Variants in RAB40C observed in about 807,000 individuals in gnomAD.
The protein encoded by RAB40C is RAB40C, member RAS oncogene family.
A neutral mutation model predicts 28.1 loss-of-function variants in RAB40C; 8 were observed. The ratio of observed to expected loss-of-function variants is 0.28; its 90% CI spans 0.17 to 0.51. The LOEUF is 0.51. RAB40C is among the 20% of genes least tolerant of loss of function. The pLI is 0.97. For missense variants in RAB40C, 288 were observed against 405.9 expected (o/e 0.71, Z 2.50); for synonymous variants, 201 against 171.7 (o/e 1.17, Z -1.34).
At chr16:604,422 C>T (rs1315230087) in intron 1 of RAB40C, among the ~76,000 whole-genome samples, 3 of 151,444 alleles carry the variant, frequency 2.0e-5, no homozygotes, top group Non-Finnish European at 2.9e-5. Context: ...TACACGAGTC[C>T]TTCTGAAGGT....
At chr16:606,109 C>G (rs1281151987) in intron 1 of RAB40C, among the ~76,000 whole-genome samples, 5 of 152,158 alleles carry the variant, frequency 3.3e-5, no homozygotes, top group Admixed American at 3.3e-4. Context: ...GACACATAGT[C>G]CTCTCGGTCC....
intron 3 of RAB40C, chr16:624,024 T>C (rs763012): frequency 0.22 from 218,694 of 985,028 alleles, 25,700 homozygotes; most frequent in East Asian, 0.61. Context: ...GCATGCACGC[T>C]TTTACATGCA....
At chr16:590,474 G>C (rs1016472927) in intron 1 of RAB40C, 41 bp downstream of exon 1, 3 of 1,493,474 alleles carry the variant, frequency 2.0e-6, no homozygotes, top group Non-Finnish European at 2.7e-6. Flanking sequence ...CGCGGGGCCC[G>C]AGCCCGGCGA....
At chr16:625,771 C>A in intron 4 of RAB40C, 128 bp from the exon 5 acceptor site, 1 of 1,013,320 alleles carries the variant, frequency 9.9e-7, no homozygotes. Flanking sequence ...CCCACCTTGA[C>A]CTCCGCCCAC....
At position 628,291 on chromosome 16, in the gene RAB40C, TC is replaced by T. The variant is rs1364446301; in HGVS notation, c.*672del. On this transcript the variant is annotated 3_prime_UTR_variant, in exon 6 of 6. Coordinates refer to ENST00000248139, the MANE Select transcript of RAB40C (RefSeq NM_021168.5). ...GCCCACATTTTTGTTGCTCCCCAAATCCCTCCCCACGTGGGGATGAGAACCT... is the reference window on the plus strand; with the variant it reads ...GCCCACATTTTTGTTGCTCCCCAAATCCTCCCCACGTGGGGATGAGAACCT... 6.6e-6 allele frequency: 1 copy of T among 152,228 alleles called. No individual in the cohort carries two copies. Among genetic ancestry groups the T allele is most frequent in the Non-Finnish European group, 1.5e-5 (1 of 68,122 alleles). 9.4% of individuals were successfully genotyped at this position (152,228 alleles called of 1,614,324 possible). A position where few individuals can be genotyped will look rare whatever the true frequency, so the allele number is the denominator to read the frequency against.
In RAB40C at chr16:620,391, C is replaced by CA. The variant is rs58701150; in HGVS notation, c.264+2140dup. ...CTGGGCGACGAGTGAAACTCCATCT[C>CA]AAAAAAAAAGGAGGAGCTGTGTGGG... On this transcript the variant is annotated intron_variant, in intron 3 of 5. Coordinates refer to ENST00000248139, the MANE Select transcript of RAB40C (RefSeq NM_021168.5). 7.4e-4 allele frequency among the ~76,000 whole-genome samples: 111 copies of CA among 150,558 alleles called. 2 individuals are homozygous for CA. The East Asian group carries it at 0.019, about 26-fold the overall frequency.
intron 1 of RAB40C, among the ~76,000 whole-genome samples, chr16:604,817 T>G (rs769510465): frequency 1.3e-5 from 2 of 152,190 alleles, no homozygotes; most frequent in Non-Finnish European, 2.9e-5. Flanking sequence ...CTCAGCACTT[T>G]GGGAGGCCGA....
At position 627,759 on chromosome 16, in the gene RAB40C, T is replaced by C; in HGVS notation, c.*137T>C. 1 of 1,120,556 alleles carries C rather than the reference T, an allele frequency of 8.9e-7. No individual in the cohort carries two copies. The highest frequency in any genetic ancestry group is 1.2e-6 in the Non-Finnish European group (1 of 822,796). 69.4% of individuals were successfully genotyped at this position (1,120,556 alleles called of 1,614,324 possible). On this transcript the variant is annotated 3_prime_UTR_variant, in exon 6 of 6. Transcript: ENST00000248139. The stretch of plus-strand genomic sequence containing the variant: ...AGAAGCGCCGGGCTTTCCTCACACC[T>C]GAGCCGGGTGCGAGGAGGAGCATGC...
At chr16:603,943 G>A (rs1017401250) in intron 1 of RAB40C, among the ~76,000 whole-genome samples, 1 of 152,124 alleles carries the variant, frequency 6.6e-6, no homozygotes, top group African/African-American at 2.4e-5. Flanking sequence ...GTATTCCTTT[G>A]CACAAATATA....
At chr16:624,118 C>T (rs2036777690) in intron 3 of RAB40C, 3 of 985,354 alleles carry the variant, frequency 3.0e-6, no homozygotes, top group South Asian at 9.4e-5. Context: ...TAATTTGTGT[C>T]TGGCTTGTCG....
At chr16:613,184 GCCGC>G in intron 1 of RAB40C, among the ~76,000 whole-genome samples, 1 of 143,114 alleles carries the variant, frequency 7.0e-6, no homozygotes. Flanking sequence ...AGCAGGGACA[GCCGC>G]CCTCACCTGT....
chr16:590,229 C>T lies in RAB40C; in HGVS notation c.-63C>T, dbSNP rs928900342. 2.4e-6 allele frequency: 3 copies of T among 1,253,598 alleles called. No individual in the cohort carries two copies. The highest frequency in any genetic ancestry group is 2.0e-6 in the Non-Finnish European group (2 of 988,396). The allele number at this position is 1,253,598 out of a possible 1,614,324, so 77.7% of individuals were successfully genotyped here. Reference sequence around the variant, plus strand: ...CAGGTGCGGGGCGCGGGCTCTCTCACGCCGCGGCCTCACCCGGCGGTGCTT... The same window carrying T: ...CAGGTGCGGGGCGCGGGCTCTCTCATGCCGCGGCCTCACCCGGCGGTGCTT... On this transcript the variant is annotated 5_prime_UTR_variant, in exon 1 of 6. It adds an upstream start codon to the 5' untranslated region. Coordinates refer to ENST00000248139, the MANE Select transcript of RAB40C (RefSeq NM_021168.5).
intron 1 of RAB40C, among the ~76,000 whole-genome samples, chr16:615,043 G>A (rs1047165521): frequency 7.2e-5 from 11 of 152,238 alleles, no homozygotes; most frequent in Admixed American, 5.2e-4. Flanking sequence ...TCTTGGAAAC[G>A]AGGACCCGAG....
In RAB40C at chr16:627,925, A is replaced by G. The variant is rs1312226247; in HGVS notation, c.*303A>G. ...AGCCTGGTTGGCCTTTCTTATTTAT[A>G]TAGAGAACACTTCACTTTTTTGTAC... is the stretch of plus-strand genomic sequence containing the variant. On this transcript the variant is annotated 3_prime_UTR_variant, in exon 6 of 6. Transcript: ENST00000248139. The G allele has an allele frequency of 1.3e-5, 5 of 386,628 alleles. No individual in the cohort carries two copies. The highest frequency in any genetic ancestry group is 2.3e-5 in the Non-Finnish European group (5 of 217,056). 23.9% of individuals were successfully genotyped at this position (386,628 alleles called of 1,614,324 possible).
At chr16:615,851 A>G (rs1323467410) in intron 1 of RAB40C, among the ~76,000 whole-genome samples, 1 of 152,096 alleles carries the variant, frequency 6.6e-6, no homozygotes, top group East Asian at 1.9e-4. Context: ...AATCCCAGCT[A>G]CTTGGGAGGC....
chr16:615,701 C>T (rs896540638), intron 1 of RAB40C, among the ~76,000 whole-genome samples: 1 of 152,204 alleles, frequency 6.6e-6, no homozygotes, highest in African/African-American at 2.4e-5. Flanking sequence ...GTGGCTCACA[C>T]CTGTAATCCC....
rs2036462229 is a variant in RAB40C, at chr16:610,559, A to G, written c.143-6649A>G. On this transcript the variant is annotated intron_variant, in intron 1 of 5. Transcript: ENST00000248139. The surrounding 1 kb of genome is among the most constrained non-coding windows in gnomAD (Gnocchi z 4.6). Reference sequence around the variant, plus strand: ...TTGAAAAGACATTTCAACAGGAGGTAAAAATGAACAGCACACCAAGAGAAT... The same window carrying G: ...TTGAAAAGACATTTCAACAGGAGGTGAAAATGAACAGCACACCAAGAGAAT... Among the ~76,000 whole-genome samples the G allele has an allele frequency of 6.6e-6, 1 of 152,200 alleles. No individual in the cohort carries two copies. Among genetic ancestry groups the G allele is most frequent in the Admixed American group, 6.5e-5 (1 of 15,280 alleles).
intron 3 of RAB40C, among the ~76,000 whole-genome samples, chr16:621,287 T>C (rs2036710827): frequency 6.6e-6 from 1 of 152,196 alleles, no homozygotes. Flanking sequence ...AGCGGTGAGG[T>C]GCGGGTGCAT....
rs1403367502 is a variant in RAB40C at position 610,735 on chromosome 16, A to C, written c.143-6473A>C. Among the ~76,000 whole-genome samples, 2 of 149,710 alleles carry C rather than the reference A, an allele frequency of 1.3e-5. No individual in the cohort carries two copies. Among genetic ancestry groups the C allele is most frequent in the Non-Finnish European group, 1.5e-5 (1 of 67,396 alleles). On this transcript the variant is annotated intron_variant, in intron 1 of 5. Transcript: ENST00000248139. The surrounding 1 kb of genome is among the most constrained non-coding windows in gnomAD (Gnocchi z 4.6). ...TGTGCCTCCAGGAGCTCCTCCCTCTACCCCGCCCTGCCCCACCCCGTCACC... is the reference window on the plus strand; with the variant it reads ...TGTGCCTCCAGGAGCTCCTCCCTCTCCCCCGCCCTGCCCCACCCCGTCACC...
Sources: allele counts gnomAD v4.1 joint callset (sites outside exome capture counted in the v4.1 genomes callset), GRCh38; gene constraint gnomAD v4.1.1; non-coding constraint Gnocchi (gnomAD v3.1); transcripts MANE v1.5; gene names NCBI Gene and HGNC (gene_info 2026-07-23, HGNC 2026-07-21).